GFPT1: variants seen among roughly 807,000 people sequenced by gnomAD.
The protein encoded by GFPT1 is glutamine--fructose-6-phosphate aminotransferase [isomerizing] 1.
Under a neutral mutation model 92.0 loss-of-function variants are expected in GFPT1, and 40 were observed. The observed-to-expected ratio is 0.43, with a 90% CI of 0.34 to 0.57. The LOEUF is 0.57. Among genes scored for constraint, GFPT1 ranks in the 20% least tolerant of loss-of-function variants. GFPT1 has a pLI of 0.02. For missense variants in GFPT1, 448 were observed against 869.1 expected (o/e 0.52, Z 6.09); for synonymous variants, 269 against 280.6 (o/e 0.96, Z 0.41).
rs193125245 is a variant in GFPT1 at position 69,374,535 on chromosome 2, A to G, written c.8-422T>C. Among the ~76,000 whole-genome samples, 4 of 152,136 alleles carry G rather than the reference A, an allele frequency of 2.6e-5. No individual in the cohort carries two copies. In the East Asian group the frequency reaches 7.7e-4, roughly 29 times the overall value. On this transcript the variant is annotated intron_variant, in intron 1 of 19. Transcript: ENST00000357308. ...TTACTATGTTAGCCAGGATGGTCTC[A>G]ATCTCCTGACCTCGTGATCTGCCCG...
chr2:69,382,490 G>T (rs1014001000), intron 1 of GFPT1, among the ~76,000 whole-genome samples: 1 of 152,096 alleles, frequency 6.6e-6, no homozygotes, highest in Non-Finnish European at 1.5e-5. Context: ...AGACCCTTCT[G>T]CCTTGACATA....
intron 11 of GFPT1, 82 bp from the exon 12 acceptor site, chr2:69,346,081 A>G (rs968894203): frequency 1.7e-5 from 14 of 807,810 alleles, no homozygotes; most frequent in Non-Finnish European, 2.6e-5. Flanking sequence ...TTCCTTTAAT[A>G]TAATCTTGGT....
At chr2:69,346,121 A>C in intron 11 of GFPT1, 122 bp from the exon 12 acceptor site, 1 of 678,884 alleles carries the variant, frequency 1.5e-6, no homozygotes. Flanking sequence ...TTCATGCAAT[A>C]GACATGACTG....
chr2:69,356,462 G>A (rs1007118224), intron 7 of GFPT1, 34 bp downstream of exon 7: 2 of 1,442,270 alleles, frequency 1.4e-6, no homozygotes. Context: ...CAAATATGTT[G>A]AAATACATTA....
chr2:69,331,916 T>A (rs1670672685), intron 15 of GFPT1, among the ~76,000 whole-genome samples: 1 of 152,234 alleles, frequency 6.6e-6, no homozygotes, highest in South Asian at 2.1e-4. Flanking sequence ...AAATATTTTT[T>A]CTCATCGTGG....
intron 18 of GFPT1, among the ~76,000 whole-genome samples, chr2:69,327,982 C>A (rs1455950499): frequency 2.0e-5 from 3 of 151,636 alleles, no homozygotes; most frequent in African/African-American, 7.3e-5. Flanking sequence ...GCCTGTAATC[C>A]CAGCTACTTG....
At chr2:69,331,611 C>G (rs555625608) in intron 15 of GFPT1, among the ~76,000 whole-genome samples, 1 of 152,080 alleles carries the variant, frequency 6.6e-6, no homozygotes, top group African/African-American at 2.4e-5. Flanking sequence ...TTAGATTTTG[C>G]ATTTTTTTCA....
At chr2:69,363,108 T>G (rs72905196) in intron 4 of GFPT1, among the ~76,000 whole-genome samples, 1 of 151,942 alleles carries the variant, frequency 6.6e-6, no homozygotes, top group Middle Eastern at 3.2e-3. Flanking sequence ...TAGCCAGGCA[T>G]GGTGGACAGA....
At chr2:69,356,122 T>C (rs1382228734) in intron 7 of GFPT1, among the ~76,000 whole-genome samples, 1 of 151,166 alleles carries the variant, frequency 6.6e-6, no homozygotes, top group Non-Finnish European at 1.5e-5. Flanking sequence ...GCCTCCCGAG[T>C]AGCTGGGATT....
At chr2:69,333,881 G>C (rs1574046456) in intron 15 of GFPT1, among the ~76,000 whole-genome samples, 1 of 152,198 alleles carries the variant, frequency 6.6e-6, no homozygotes, top group Non-Finnish European at 1.5e-5. Context: ...CTTTTGGCTG[G>C]GCGCGGTGGC....
intron 1 of GFPT1, among the ~76,000 whole-genome samples, chr2:69,376,018 T>TA (rs1671861747): frequency 2.0e-5 from 3 of 152,212 alleles, no homozygotes; most frequent in African/African-American, 7.2e-5. Flanking sequence ...TTTTTGTTGC[T>TA]ACTGCTGTTC....
At chr2:69,358,826 G>A (rs1671403178) in intron 5 of GFPT1, among the ~76,000 whole-genome samples, 1 of 152,134 alleles carries the variant, frequency 6.6e-6, no homozygotes, top group South Asian at 2.1e-4. Flanking sequence ...TCCAACACTG[G>A]AGAAAGTTCA....
intron 9 of GFPT1, among the ~76,000 whole-genome samples, chr2:69,350,916 A>G (rs147678423): frequency 0.017 from 2,590 of 152,094 alleles, 35 homozygotes; most frequent in Middle Eastern, 0.034. Context: ...AAAAAAAAAA[A>G]AAAAAGAAAA....
chr2:69,354,496 G>A lies in GFPT1; in HGVS notation c.678C>T (p.Tyr226=), dbSNP rs748444919. Residue 226 remains tyrosine (Y), a synonymous_variant, in exon 8 of 20, where the codon TAC becomes TAT. Coordinates refer to ENST00000357308, the MANE Select transcript of GFPT1 (RefSeq NM_001244710.2). ...KLSTDHIPIL[Y]RTARTQIGSK... ...TTGTAGAGGTAATTTTACCTGTTCT[G>A]TAGAGTATAGGAATGTGATCAGTAG... 6.3e-7 allele frequency: 1 copy of A among 1,582,156 alleles called. No individual in the cohort carries two copies. Among genetic ancestry groups the A allele is most frequent in the East Asian group, 2.2e-5 (1 of 44,704 alleles).
At chr2:69,382,570 C>T (rs549153050) in intron 1 of GFPT1, among the ~76,000 whole-genome samples, 1 of 152,328 alleles carries the variant, frequency 6.6e-6, no homozygotes, top group African/African-American at 2.4e-5. Flanking sequence ...ATATGAATGA[C>T]CTTTTTCTAC....
At chr2:69,329,530 C>CA in intron 16 of GFPT1, 106 bp from the exon 17 acceptor site, 2 of 984,208 alleles carry the variant, frequency 2.0e-6, no homozygotes, top group African/African-American at 3.2e-5. Context: ...TCTGTGCTAT[C>CA]AATCAGTATG....
chr2:69,343,006 TCTC>T lies in GFPT1; in HGVS notation c.1106-760_1106-758del, dbSNP rs1670988829. Among the ~76,000 whole-genome samples, 3 of 152,140 alleles carry T rather than the reference TCTC, an allele frequency of 2.0e-5. 1 individual carries two copies. The South Asian group carries it at 6.2e-4, about 32-fold the overall frequency. On this transcript the variant is annotated intron_variant, in intron 12 of 19. Transcript: ENST00000357308. The stretch of plus-strand genomic sequence containing the variant: ...AACATTCTCCAGTTCTCTCTTCTGT[TCTC>T]CACCTCCTGGAGTCTGCTCTCCATA...
intron 1 of GFPT1, among the ~76,000 whole-genome samples, chr2:69,375,839 A>T (rs1671856179): frequency 1.3e-5 from 2 of 152,262 alleles, no homozygotes; most frequent in Admixed American, 1.3e-4. Flanking sequence ...AATTAAGATA[A>T]GGATAAACAA....
At chr2:69,346,871 A>G (rs1243803159) in intron 11 of GFPT1, among the ~76,000 whole-genome samples, 1 of 151,874 alleles carries the variant, frequency 6.6e-6, no homozygotes, top group East Asian at 1.9e-4. Flanking sequence ...CTGAGACTAC[A>G]GGCACACACT....
Sources: allele counts gnomAD v4.1 joint callset (sites outside exome capture counted in the v4.1 genomes callset), GRCh38; gene constraint gnomAD v4.1.1; transcripts MANE v1.5; gene names NCBI Gene and HGNC (gene_info 2026-07-23, HGNC 2026-07-21).